The following TTC3 variants were observed in gnomAD, a reference collection of about 807,000 sequenced individuals.
The protein encoded by TTC3 is E3 ubiquitin-protein ligase TTC3.
TTC3 carries 180 observed loss-of-function variants against 249.6 expected under a neutral mutation model. That is an observed-to-expected ratio of 0.72 (90% confidence interval 0.64 to 0.82). The LOEUF is 0.82. Ranked by LOEUF, TTC3 falls within the 40% of genes least tolerant of loss-of-function variation. The pLI is 0.00. For synonymous variants in TTC3, 717 were observed against 805.0 expected (o/e 0.89, Z 1.85); for missense variants, 2,061 against 2,398.4 (o/e 0.86, Z 2.94).
intron 18 of TTC3, 67 bp from the exon 19 acceptor site, chr21:37,138,567 G>A: frequency 9.3e-7 from 1 of 1,071,100 alleles, no homozygotes; most frequent in Non-Finnish European, 1.4e-6. Context: ...TTCTTTTTCT[G>A]TTGTGACTGG....
At position 37,157,278 on chromosome 21, in the gene TTC3, G is replaced by T. The variant is rs937486286; in HGVS notation, c.2992+372G>T. On this transcript the variant is annotated intron_variant, in intron 28 of 45. Transcript: ENST00000355666. The stretch of plus-strand genomic sequence containing the variant: ...TCTGCAGAAGTAGGTGATGTTTGCA[G>T]AATCTAGAATGGATAGCATTCTAGG... The T allele has an allele frequency of 7.2e-6, 7 of 972,372 alleles. No individual in the cohort carries two copies. In the African/African-American group the frequency reaches 8.4e-5, roughly 12 times the overall value. The allele number at this position is 972,372 out of a possible 1,614,324, so 60.2% of individuals were successfully genotyped here. A position where few individuals can be genotyped will look rare whatever the true frequency, so the allele number is the denominator to read the frequency against.
chr21:37,149,822 A>G (rs1353754831), intron 23 of TTC3, among the ~76,000 whole-genome samples: 1 of 152,194 alleles, frequency 6.6e-6, no homozygotes, highest in Non-Finnish European at 1.5e-5. Context: ...TTTTGTCTAG[A>G]CATGTGTATG....
intron 17 of TTC3, among the ~76,000 whole-genome samples, chr21:37,134,625 TGAG>T (rs1259533053): frequency 1.3e-5 from 2 of 152,040 alleles, no homozygotes; most frequent in Non-Finnish European, 2.9e-5. Context: ...TAGCAAGGAG[TGAG>T]GAGATTTTAG....
intron 18 of TTC3, among the ~76,000 whole-genome samples, chr21:37,137,626 C>T (rs1308438528): frequency 6.6e-6 from 1 of 152,046 alleles, no homozygotes; most frequent in Non-Finnish European, 1.5e-5. Context: ...TGTGAAGATG[C>T]TGGAATATTG....
At chr21:37,172,726 G>C in exon 35 of TTC3, 2 of 1,613,852 alleles carry the variant, frequency 1.2e-6, no homozygotes, top group Admixed American at 1.7e-5. Context: ...AGTTGAAAAG[G>C]CACTTAGAAG....
At chr21:37,109,688 C>G (rs562347485) in intron 11 of TTC3, among the ~76,000 whole-genome samples, 61 of 152,378 alleles carry the variant, frequency 4.0e-4, no homozygotes, top group African/African-American at 1.3e-3. Context: ...TTAAATGTCC[C>G]TGTCTGACAG....
chr21:37,120,057 T>A lies in TTC3; in HGVS notation c.901-1760T>A, dbSNP rs149832563. On this transcript the variant is annotated intron_variant, in intron 11 of 45. Coordinates refer to ENST00000355666, the Ensembl canonical transcript of TTC3. ...AGTGCATTTCAATTGGCCAGTCTCC[T>A]GGGTTACAGCCACACTTCCACCGTG... is the stretch of plus-strand genomic sequence containing the variant. 3.0e-3 allele frequency among the ~76,000 whole-genome samples: 457 copies of A among 152,286 alleles called. 1 individual carries two copies. The highest frequency in any genetic ancestry group is 5.7e-3 in the Non-Finnish European group (387 of 68,024).
chr21:37,127,471 C>T (rs1344622359), intron 15 of TTC3, among the ~76,000 whole-genome samples: 1 of 152,160 alleles, frequency 6.6e-6, no homozygotes, highest in Non-Finnish European at 1.5e-5. Flanking sequence ...TCATTTATTT[C>T]TGAATCTTAA....
intron 9 of TTC3, among the ~76,000 whole-genome samples, chr21:37,095,872 T>G (rs1289956340): frequency 6.6e-6 from 1 of 152,236 alleles, no homozygotes; most frequent in Non-Finnish European, 1.5e-5. Flanking sequence ...GCATACATGC[T>G]CTCTACCTTG....
intron 2 of TTC3, 111 bp from the exon 3 acceptor site, chr21:37,087,722 G>A (rs2072691940): frequency 1.2e-6 from 1 of 857,574 alleles, no homozygotes; most frequent in Admixed American, 2.8e-5. Context: ...TGTGTTTGAA[G>A]CATATAAATA....
intron 13 of TTC3, among the ~76,000 whole-genome samples, chr21:37,124,156 C>A (rs1166644768): frequency 1.0e-5 from 1 of 97,946 alleles, no homozygotes; most frequent in East Asian, 3.1e-4. Flanking sequence ...CCCTCTGTCA[C>A]CTAGGCTGGA....
chr21:37,084,981 A>G (rs1054300784), intron 1 of TTC3, among the ~76,000 whole-genome samples: 1 of 143,902 alleles, frequency 6.9e-6, no homozygotes. Context: ...CGACAGAGTG[A>G]GACTGTGTCT....
At chr21:37,165,108 A>G (rs1388343620) in intron 32 of TTC3, among the ~76,000 whole-genome samples, 1 of 152,236 alleles carries the variant, frequency 6.6e-6, no homozygotes, top group African/African-American at 2.4e-5. Context: ...GGCATCCAAA[A>G]GTAAAGCTAA....
At chr21:37,130,004 G>A (rs905220218) in intron 16 of TTC3, among the ~76,000 whole-genome samples, 2 of 152,132 alleles carry the variant, frequency 1.3e-5, no homozygotes, top group Non-Finnish European at 2.9e-5. Context: ...ATGTGAAATT[G>A]TAAATCTTTT....
intron 10 of TTC3, among the ~76,000 whole-genome samples, chr21:37,103,442 G>A (rs2147770556): frequency 6.6e-6 from 1 of 152,224 alleles, no homozygotes; most frequent in African/African-American, 2.4e-5. Flanking sequence ...AGTCAAACCT[G>A]ATTATTTAGA....
At chr21:37,116,053 A>G (rs2076118123) in intron 11 of TTC3, among the ~76,000 whole-genome samples, 1 of 152,194 alleles carries the variant, frequency 6.6e-6, no homozygotes, top group Non-Finnish European at 1.5e-5. Context: ...GTCTTCCAGT[A>G]TAATATGAGC....
chr21:37,192,581 G>A (rs564834601), intron 41 of TTC3, among the ~76,000 whole-genome samples: 36 of 150,948 alleles, frequency 2.4e-4, no homozygotes, highest in African/African-American at 6.8e-4. Context: ...TGCCTGTTGC[G>A]CACTGCTTTT....
chr21:37,183,590 G>T (rs994003068), intron 36 of TTC3, among the ~76,000 whole-genome samples: 1 of 152,092 alleles, frequency 6.6e-6, no homozygotes, highest in Admixed American at 6.5e-5. Context: ...TTCTTCTGCT[G>T]GTCTTGCCAG....
intron 29 of TTC3, 74 bp from the exon 30 acceptor site, chr21:37,160,728 C>A: frequency 6.7e-7 from 1 of 1,489,432 alleles, no homozygotes; most frequent in South Asian, 1.2e-5. Context: ...TGTAAAAACT[C>A]ATATGGTTTC....
Sources: allele counts gnomAD v4.1 joint callset (sites outside exome capture counted in the v4.1 genomes callset), GRCh38; gene constraint gnomAD v4.1.1; transcripts MANE v1.5; gene names NCBI Gene and HGNC (gene_info 2026-07-23, HGNC 2026-07-21).